Variants in CASKIN2 observed in about 807,000 individuals in gnomAD.
The protein encoded by CASKIN2 is CASK interacting protein 2, also known as caskin-2.
In CASKIN2, 41 loss-of-function variants were observed where a neutral mutation model predicts 107.1. The observed-to-expected ratio is 0.38, with a 90% CI of 0.30 to 0.50. CASKIN2 has a LOEUF of 0.50. Among genes scored for constraint, CASKIN2 ranks in the 20% least tolerant of loss-of-function variants. CASKIN2 has a pLI of 0.92. For missense variants in CASKIN2, 1,546 were observed against 1,657.4 expected (o/e 0.93, Z 1.17); for synonymous variants, 724 against 705.6 (o/e 1.03, Z -0.41).
Position 75,513,938 on chromosome 17 carries a change from C to T in CASKIN2, c.-134G>A, listed in dbSNP as rs2053335497. 4.3e-6 allele frequency: 3 copies of T among 698,590 alleles called. No individual in the cohort carries two copies. In the Admixed American group the frequency reaches 6.9e-5, roughly 16 times the overall value. The allele number at this position is 698,590 out of a possible 1,614,324, so 43.3% of individuals were successfully genotyped here. On this transcript the variant is annotated 5_prime_UTR_variant, in exon 2 of 20. Coordinates refer to ENST00000321617, the MANE Select transcript of CASKIN2 (RefSeq NM_020753.5). ...GTTCCGGGGGAGCAAGTCAGGTGTC[C>T]CAGGCAGTGGGCTCCTCGTCAGGTA...
chr17:75,508,225 C>T lies in CASKIN2; in HGVS notation c.146+9G>A, dbSNP rs776412899. ...GCAGCTCTGCAGAGGGACAGGGGCT[C>T]CCACTCACCCATCAGCATCCTGGTA... On this transcript the variant is annotated intron_variant, in intron 3 of 19. Coordinates refer to ENST00000321617, the MANE Select transcript of CASKIN2 (RefSeq NM_020753.5). The T allele has an allele frequency of 1.9e-6, 3 of 1,613,804 alleles. No individual in the cohort carries two copies. The Admixed American group carries it at 5.0e-5, about 27-fold the overall frequency.
chr17:75,504,868 G>A lies in CASKIN2; in HGVS notation c.1136C>T (p.Pro379Leu), dbSNP rs377397179. ...AAGCTGGCTGTAGGTAAGAGGGTGC[G>A]GGGGTTCTTCGGCAGGAGGCTGCGG... ...RTPQPPAEEP[P>L]HPLTYSQLPR... The change falls in exon 11 of 20, where the codon CCG (proline) becomes CTG (leucine). Residue 379 changes from proline (P) to leucine (L), a missense_variant. Transcript: ENST00000321617. The A allele has an allele frequency of 6.2e-6, 10 of 1,611,400 alleles. No homozygotes were observed. Among genetic ancestry groups the A allele is most frequent in the South Asian group, 3.3e-5 (3 of 90,944 alleles).
rs947521406 is a variant in CASKIN2, at chr17:75,506,868, G to A, written c.417C>T (p.Ser139=). 41 of 1,612,374 alleles carry A rather than the reference G, an allele frequency of 2.5e-5. No homozygotes were observed. The highest frequency in any genetic ancestry group is 3.3e-5 in the Non-Finnish European group (39 of 1,179,540). ...EVSEMLLQHQ[S]NPCLVNKAKK... is the part of the protein sequence containing the mutation. ...TGGCCTTGTTGACCAGGCATGGGTT[G>A]GACTGATGCTGGAGGAGCATTTCTG... Residue 139 remains serine (S), a synonymous_variant, in exon 6 of 20, where the codon TCC becomes TCT. Coordinates refer to ENST00000321617, the MANE Select transcript of CASKIN2 (RefSeq NM_020753.5). The surrounding 1 kb of genome is among the most constrained non-coding windows in gnomAD (Gnocchi z 4.8).
rs2053196592 is a variant in CASKIN2, at chr17:75,501,965, G to A, written c.3109C>T (p.Pro1037Ser). The stretch of plus-strand genomic sequence containing the variant: ...GGAAGGCTGCTGGGCTCGGGCTGGG[G>A]AAGGCTAGAAGCTGGAGGAGACTCG... ...PGESPPASSL[P>S]QPEPSSLPAQ... Residue 1037 changes from proline to serine, a missense_variant, in exon 18 of 20, where the codon CCC becomes TCC. By Grantham distance (74) the Pro-to-Ser change is moderately conservative. This residue lies in a region of CASKIN2 where 1,311 missense variants were observed against 1,311.0 expected (regional missense o/e 1.00). Coordinates refer to ENST00000321617, the MANE Select transcript of CASKIN2 (RefSeq NM_020753.5). 1 of 1,609,422 alleles carries A rather than the reference G, an allele frequency of 6.2e-7. No homozygotes were observed. The highest frequency in any genetic ancestry group is 1.3e-5 in the African/African-American group (1 of 74,966).
chr17:75,501,217 C>T, intron 19 of CASKIN2, 47 bp from the exon 20 acceptor site: 1 of 1,481,272 alleles, frequency 6.8e-7, no homozygotes, highest in Non-Finnish European at 9.2e-7. Context: ...TGGCCTGCAC[C>T]CCACTGGCCC....
rs1007993323 is a variant in CASKIN2 at position 75,504,069 on chromosome 17, C to T, written c.1468-107G>A. The T allele has an allele frequency of 1.1e-5, 13 of 1,197,802 alleles. No homozygotes were observed. In the African/African-American group the frequency reaches 1.8e-4, roughly 17 times the overall value. 74.2% of individuals were successfully genotyped at this position (1,197,802 alleles called of 1,614,324 possible). A position where few individuals can be genotyped will look rare whatever the true frequency, so the allele number is the denominator to read the frequency against. ...AGCGGGGCTTCAGTCCATACAGAGG[C>T]TCTTGCCTCTACCCTGCCCTACCCA... On this transcript the variant is annotated intron_variant, in intron 14 of 19. Transcript: ENST00000321617.
Position 75,501,533 on chromosome 17 carries a change from G to A in CASKIN2, c.3453C>T (p.Thr1151=). 1 of 1,612,578 alleles carries A rather than the reference G, an allele frequency of 6.2e-7. No homozygotes were observed. Among genetic ancestry groups the A allele is most frequent in the Non-Finnish European group, 8.5e-7 (1 of 1,179,666 alleles). Reference sequence around the variant, plus strand: ...TCAGTGCAGCTGCCAGGGACGAGCTGGTCTGCTCCAGTCTCTGCTGGGCCT... The same window carrying A: ...TCAGTGCAGCTGCCAGGGACGAGCTAGTCTGCTCCAGTCTCTGCTGGGCCT... ...PGQAQQRLEQ[T]SSSLAAALRA... Residue 1151 remains threonine (T), a synonymous_variant, in exon 19 of 20, where the codon ACC becomes ACT. Transcript: ENST00000321617.
At chr17:75,503,592 G>T in intron 16 of CASKIN2, 65 bp from the exon 17 acceptor site, 2 of 1,603,582 alleles carry the variant, frequency 1.2e-6, no homozygotes, top group South Asian at 2.2e-5. Flanking sequence ...AGGAGAAAAG[G>T]CACCGCAAAG....
rs772324507 is a variant in CASKIN2 at position 75,502,984 on chromosome 17, C to G, written c.2090G>C (p.Ser697Thr). 2 of 1,604,836 alleles carry G rather than the reference C, an allele frequency of 1.2e-6. No individual in the cohort carries two copies. The highest frequency in any genetic ancestry group is 2.2e-5 in the East Asian group (1 of 44,746). ...TGAGCGTGCCCCGATGCTCTCCTGG[C>G]TGGGAGAGCGGGCAGGTGGGAGGGG... ...PLPLPPARSP[S>T]QESIGARSRG... Residue 697 changes from serine to threonine, a missense_variant, in exon 18 of 20, where the codon AGC becomes ACC. This residue lies in a region of CASKIN2 where 1,311 missense variants were observed against 1,311.0 expected (regional missense o/e 1.00). Coordinates refer to ENST00000321617, the MANE Select transcript of CASKIN2 (RefSeq NM_020753.5). The surrounding 1 kb of genome is among the most constrained non-coding windows in gnomAD (Gnocchi z 4.3).
At position 75,502,148 on chromosome 17, in the gene CASKIN2, C is replaced by T. The variant is rs767227310; in HGVS notation, c.2926G>A (p.Val976Met). ...AGGTTGAAATCGAGGCCGGGGGGCA[C>T]GGGTGTCTCTCGGGGCGGGGGGCCA... ...PAGPPPRETPVPPGLDFNLTE... is the reference protein window; with the variant it reads ...PAGPPPRETPMPPGLDFNLTE... Residue 976 changes from valine to methionine, a missense_variant, in exon 18 of 20, where the codon GTG becomes ATG. By Grantham distance (21) the Val-to-Met change is conservative (BLOSUM62 1). This residue lies in a region of CASKIN2 where 1,311 missense variants were observed against 1,311.0 expected (regional missense o/e 1.00). Coordinates refer to ENST00000321617, the MANE Select transcript of CASKIN2 (RefSeq NM_020753.5). The surrounding 1 kb of genome is among the most constrained non-coding windows in gnomAD (Gnocchi z 4.3). 5.0e-5 allele frequency: 80 copies of T among 1,601,946 alleles called. 1 individual carries two copies. The highest frequency in any genetic ancestry group is 1.1e-4 in the East Asian group (5 of 44,752).
At position 75,505,480 on chromosome 17, in the gene CASKIN2, G is replaced by T. The variant is rs1266911381; in HGVS notation, c.930+77C>A. On this transcript the variant is annotated intron_variant, in intron 10 of 19. Coordinates refer to ENST00000321617, the MANE Select transcript of CASKIN2 (RefSeq NM_020753.5). The surrounding 1 kb of genome is among the most constrained non-coding windows in gnomAD (Gnocchi z 5.1). Reference sequence around the variant, plus strand: ...ATATAGAGACCTCAGAGCAGAACGTGGTAACATAGCAGGTGCCCAAATAAG... The same window carrying T: ...ATATAGAGACCTCAGAGCAGAACGTTGTAACATAGCAGGTGCCCAAATAAG... 2.9e-6 allele frequency: 4 copies of T among 1,356,534 alleles called. No individual in the cohort carries two copies. Among genetic ancestry groups the T allele is most frequent in the Non-Finnish European group, 4.2e-6 (4 of 947,266 alleles). 84.0% of individuals were successfully genotyped at this position (1,356,534 alleles called of 1,614,324 possible).
Position 75,502,774 on chromosome 17 carries a change from G to T in CASKIN2, c.2300C>A (p.Ala767Asp). The T allele has an allele frequency of 6.2e-7, 1 of 1,602,492 alleles. No individual in the cohort carries two copies. ...MYPQGSPSSP[A>D]PGPPPGAPWA... ...GGGTGCGCCAGGAGGTGGCCCTGGGGCCGGGCTAGAGGGTGAGCCCTGGGG... is the reference window on the plus strand; with the variant it reads ...GGGTGCGCCAGGAGGTGGCCCTGGGTCCGGGCTAGAGGGTGAGCCCTGGGG... Residue 767 changes from alanine (A) to aspartate (D), a missense_variant, in exon 18 of 20, where the codon GCC becomes GAC. By Grantham distance (126) the Ala-to-Asp change is moderately radical. Transcript: ENST00000321617. This position sits in a 1 kb window ranked among gnomAD's most constrained non-coding sequence, Gnocchi z 4.3.
intron 1 of CASKIN2, 101 bp downstream of exon 1, chr17:75,515,300 A>C (rs2053348820): frequency 6.6e-6 from 1 of 152,272 alleles, no homozygotes; most frequent in Admixed American, 6.5e-5. Context: ...AGGAGGACGG[A>C]AGGAGCGGGG....
Position 75,500,945 on chromosome 17 carries a change from TG to T in CASKIN2, c.*134del. 1.2e-6 allele frequency: 1 copy of T among 804,518 alleles called. No individual in the cohort carries two copies. Among genetic ancestry groups the T allele is most frequent in the Non-Finnish European group, 2.0e-6 (1 of 500,412 alleles). The allele number at this position is 804,518 out of a possible 1,614,324, so 49.8% of individuals were successfully genotyped here. On this transcript the variant is annotated 3_prime_UTR_variant, in exon 20 of 20. Coordinates refer to ENST00000321617, the MANE Select transcript of CASKIN2 (RefSeq NM_020753.5). ...GTGGTGCCCACAGCCGCGGGCTGAG[TG>T]GGAAGGGGCCCTGCTAGGAGGGGCA...
At chr17:75,501,326 C>A in intron 19 of CASKIN2, 142 bp downstream of exon 19, 1 of 1,199,602 alleles carries the variant, frequency 8.3e-7, no homozygotes, top group East Asian at 2.4e-5. Flanking sequence ...ATTCCCTGAT[C>A]TAGGTGATTT....
rs1202664103 is a variant in CASKIN2 at position 75,500,787 on chromosome 17, A to C, written c.*293T>G. 3 of 376,080 alleles carry C rather than the reference A, an allele frequency of 8.0e-6. No individual in the cohort carries two copies. Among genetic ancestry groups the C allele is most frequent in the East Asian group, 6.9e-5 (1 of 14,498 alleles). 23.3% of individuals were successfully genotyped at this position (376,080 alleles called of 1,614,324 possible). ...ACCCCTACTTCCTCCCTGAGGAGAG[A>C]GCTCTTACCAGGGTCCCTGTCCAGG... On this transcript the variant is annotated 3_prime_UTR_variant, in exon 20 of 20. Coordinates refer to ENST00000321617, the MANE Select transcript of CASKIN2 (RefSeq NM_020753.5).
At chr17:75,508,347 C>A (rs2053287335) in intron 2 of CASKIN2, 62 bp from the exon 3 acceptor site, 1 of 1,553,664 alleles carries the variant, frequency 6.4e-7, no homozygotes, top group Admixed American at 1.8e-5. Context: ...AGCATCCCTC[C>A]CCCCACCTGT....
intron 2 of CASKIN2, among the ~76,000 whole-genome samples, chr17:75,513,203 A>G (rs773872721): frequency 6.4e-5 from 1 of 15,708 alleles, no homozygotes; most frequent in Non-Finnish European, 3.5e-4. Context: ...TAGGAGGCCT[A>G]CCTAGGTGGG....
In CASKIN2 at chr17:75,502,144, G is replaced by A. The variant is rs751934298; in HGVS notation, c.2930C>T (p.Pro977Leu). 8.7e-6 allele frequency: 14 copies of A among 1,603,868 alleles called. No individual in the cohort carries two copies. The highest frequency in any genetic ancestry group is 1.2e-5 in the Non-Finnish European group (14 of 1,179,824). The change falls in exon 18 of 20, where the codon CCC becomes CTC. Residue 977 changes from proline to leucine, a missense_variant. Around this residue, in one of 6 missense-constraint regions of CASKIN2, gnomAD observed 1,311 missense variants for 1,311.0 expected, o/e 1.00. Transcript: ENST00000321617. The surrounding 1 kb of genome is among the most constrained non-coding windows in gnomAD (Gnocchi z 4.3). ...CGTGAGGTTGAAATCGAGGCCGGGG[G>A]GCACGGGTGTCTCTCGGGGCGGGGG... The part of the protein sequence containing the change: ...AGPPPRETPV[P>L]PGLDFNLTES...
Sources: gnomAD v4.1 joint callset for allele counts (sites outside exome capture counted in the v4.1 genomes callset) on GRCh38, gnomAD v4.1.1 for gene constraint, gnomAD v4.1.1 regional missense constraint, Gnocchi (gnomAD v3.1) non-coding constraint, MANE v1.5 for transcripts, NCBI Gene and HGNC (gene_info 2026-07-23, HGNC 2026-07-21) for gene names.